Variants in SEPTIN3 observed in about 807,000 individuals in gnomAD.
The protein encoded by SEPTIN3 is neuronal-specific septin-3.
In SEPTIN3, 15 loss-of-function variants were observed where a neutral mutation model predicts 45.1. The ratio of observed to expected loss-of-function variants is 0.33; its 90% CI spans 0.22 to 0.51. The LOEUF is 0.51. SEPTIN3 is among the 20% of genes least tolerant of loss of function. The pLI, the probability that SEPTIN3 is intolerant of heterozygous loss-of-function variation, is 0.97. For missense variants in SEPTIN3, 289 were observed against 457.2 expected (o/e 0.63, Z 3.35); for synonymous variants, 148 against 164.8 (o/e 0.90, Z 0.78).
At chr22:41,981,007 G>T (rs912454244) in intron 2 of SEPTIN3, among the ~76,000 whole-genome samples, 7 of 152,180 alleles carry the variant, frequency 4.6e-5, no homozygotes, top group Non-Finnish European at 5.9e-5. Context: ...CTCCAGAGAA[G>T]GGTAGCCCTG....
At chr22:41,996,248 G>A (rs1174117669) in intron 11 of SEPTIN3, 2 of 985,070 alleles carry the variant, frequency 2.0e-6, no homozygotes, top group Non-Finnish European at 2.4e-6. Context: ...TCCCCTGCTT[G>A]TTGTACAAGT....
intron 11 of SEPTIN3, chr22:41,995,370 C>T (rs920361881): frequency 1.0e-6 from 1 of 987,378 alleles, no homozygotes. Flanking sequence ...AATGGAGCTC[C>T]ACCCTTCAGT....
chr22:41,973,329 C>T (rs1432441029), intron 2 of SEPTIN3, among the ~76,000 whole-genome samples: 1 of 151,352 alleles, frequency 6.6e-6, no homozygotes, highest in Non-Finnish European at 1.5e-5. Context: ...CAAGACCAGC[C>T]TGAGAAAAAT....
At chr22:41,995,036 G>A in intron 11 of SEPTIN3, 2 of 1,191,834 alleles carry the variant, frequency 1.7e-6, no homozygotes, top group Non-Finnish European at 2.1e-6. Context: ...TCCATTATCT[G>A]TCTCCTTTCC....
At chr22:41,990,141 C>T (rs998448080) in intron 7 of SEPTIN3, among the ~76,000 whole-genome samples, 1 of 151,712 alleles carries the variant, frequency 6.6e-6, no homozygotes, top group African/African-American at 2.4e-5. Context: ...TACGGGTTCA[C>T]GCCATTCTCC....
chr22:41,983,539 T>A (rs1030733371), intron 3 of SEPTIN3, among the ~76,000 whole-genome samples: 2 of 152,242 alleles, frequency 1.3e-5, no homozygotes, highest in African/African-American at 2.4e-5. Flanking sequence ...CTGTCCTGAT[T>A]GTACCTCTTC....
At chr22:41,982,183 G>A (rs2078132109) in intron 3 of SEPTIN3, 1 of 266,314 alleles carries the variant, frequency 3.8e-6, no homozygotes, top group African/African-American at 2.2e-5. Flanking sequence ...ATGAAGGGTG[G>A]TCTTATTTCT....
At position 41,991,669 on chromosome 22, in the gene SEPTIN3, G is replaced by A. The variant is rs1466195384; in HGVS notation, c.2259+1G>A. On this transcript the variant is annotated splice_donor_variant, in intron 8 of 11. Transcript: ENST00000644076. LOFTEE classifies it high-confidence loss of function. ...TAAGACGGAGAATGACAAAATCAGGGTGGGTGCCTGGGGCACTGCTCCTCC... is the reference window on the plus strand; with the variant it reads ...TAAGACGGAGAATGACAAAATCAGGATGGGTGCCTGGGGCACTGCTCCTCC... 6.2e-7 allele frequency: 1 copy of A among 1,605,560 alleles called. No individual in the cohort carries two copies. The highest frequency in any genetic ancestry group is 8.5e-7 in the Non-Finnish European group (1 of 1,172,354).
intron 2 of SEPTIN3, among the ~76,000 whole-genome samples, chr22:41,979,921 G>A (rs1287115435): frequency 1.3e-5 from 2 of 152,136 alleles, no homozygotes; most frequent in African/African-American, 4.8e-5. Context: ...ACTCTGCAGG[G>A]TGTTAGTCAT....
Position 41,972,307 on chromosome 22 carries a change from T to C in SEPTIN3, c.815T>C (p.Met272Thr), listed in dbSNP as rs2077968407. 5.0e-6 allele frequency: 2 copies of C among 399,070 alleles called. No individual in the cohort carries two copies. Among genetic ancestry groups the C allele is most frequent in the African/African-American group, 4.1e-5 (2 of 48,646 alleles). The allele number at this position is 399,070 out of a possible 1,614,324, so 24.7% of individuals were successfully genotyped here. ...RTDAARHLAT[M>T]ATNRPSLAIN... The stretch of plus-strand genomic sequence containing the variant: ...GACGCAGCCAGACATTTAGCCACAA[T>C]GGCCACCAACAGACCTAGCTTGGCT... The change falls in exon 2 of 12, where the codon ATG becomes ACG. Residue 272 changes from methionine to threonine, a missense_variant. Met to Thr is a moderately conservative substitution (Grantham distance 81). Around this residue, in one of 3 missense-constraint regions of SEPTIN3, gnomAD observed 200 missense variants for 315.1 expected, o/e 0.63. Transcript: ENST00000644076.
At chr22:41,985,697 C>A in intron 3 of SEPTIN3, 1 of 203,772 alleles carries the variant, frequency 4.9e-6, no homozygotes, top group Non-Finnish European at 9.9e-6. Context: ...AACAGAAAAC[C>A]ACGACACTAG....
At chr22:41,983,557 C>G (rs537655551) in intron 3 of SEPTIN3, among the ~76,000 whole-genome samples, 44 of 152,352 alleles carry the variant, frequency 2.9e-4, no homozygotes, top group South Asian at 8.3e-4. Context: ...TTCAGCTCAT[C>G]TCTGACCACT....
intron 2 of SEPTIN3, among the ~76,000 whole-genome samples, chr22:41,978,507 C>A (rs1387018268): frequency 6.6e-6 from 1 of 152,168 alleles, no homozygotes; most frequent in Non-Finnish European, 1.5e-5. Flanking sequence ...AGGATTCAAG[C>A]CTGGGTCACC....
intron 3 of SEPTIN3, chr22:41,982,092 C>T: frequency 4.0e-6 from 2 of 498,000 alleles, no homozygotes; most frequent in South Asian, 5.8e-5. Context: ...CCCTTCACCA[C>T]TCTGATCCTG....
At chr22:41,996,789 A>T (rs531187385) in intron 11 of SEPTIN3, 113 bp from the exon 12 acceptor site, 2 of 1,547,202 alleles carry the variant, frequency 1.3e-6, no homozygotes, top group South Asian at 2.5e-5. Context: ...CTGAGTAGGA[A>T]TGGTGCCTGG....
chr22:41,977,453 C>A (rs1241237796), intron 2 of SEPTIN3, among the ~76,000 whole-genome samples: 1 of 152,192 alleles, frequency 6.6e-6, no homozygotes, highest in Non-Finnish European at 1.5e-5. Flanking sequence ...CCTACAGGCA[C>A]ACGCTGAGAC....
At chr22:41,989,734 TC>T (rs1392920138) in intron 7 of SEPTIN3, 50 bp downstream of exon 7, 1 of 1,246,842 alleles carries the variant, frequency 8.0e-7, no homozygotes, top group Non-Finnish European at 1.2e-6. Flanking sequence ...CTCCTTTCTC[TC>T]CGCTGGGTTC....
At chr22:41,970,647 T>C (rs573274983) in intron 1 of SEPTIN3, among the ~76,000 whole-genome samples, 190 of 152,262 alleles carry the variant, frequency 1.2e-3, no homozygotes, top group African/African-American at 4.1e-3. Context: ...ATGTTGGATT[T>C]TCAGAAAGAT....
chr22:41,982,768 G>A (rs576593627), intron 3 of SEPTIN3, among the ~76,000 whole-genome samples: 1 of 151,810 alleles, frequency 6.6e-6, no homozygotes, highest in East Asian at 1.9e-4. Flanking sequence ...GCACATGCTT[G>A]TAATCCCAGC....
Sources: allele counts gnomAD v4.1 joint callset (sites outside exome capture counted in the v4.1 genomes callset), GRCh38; gene constraint gnomAD v4.1.1; regional missense constraint gnomAD v4.1.1; transcripts MANE v1.5; gene names NCBI Gene and HGNC (gene_info 2026-07-23, HGNC 2026-07-21).